The following LIN54 variants were observed in gnomAD, a reference collection of about 807,000 sequenced individuals.
LIN54 encodes the protein protein lin-54 homolog.
LIN54 carries 9 observed loss-of-function variants against 78.7 expected under a neutral mutation model. The observed-to-expected ratio is 0.11, with a 90% confidence interval of 0.07 to 0.20. LIN54 has a LOEUF of 0.20. LIN54 is among the 10% of genes least tolerant of loss of function. The probability of loss-of-function intolerance (pLI) is 1.00; values close to 1 mark genes in which losing one functional copy is unlikely to be tolerated. For missense variants in LIN54, 573 were observed against 889.9 expected (o/e 0.64, Z 4.53); for synonymous variants, 269 against 318.4 (o/e 0.84, Z 1.65).
chr4:83,006,116 A>AACTGGGGACTACTGGGGACT lies in LIN54; in HGVS notation c.-33+4367_-33+4368insAGTCCCCAGTAGTCCCCAGT, dbSNP rs138387938. ...TGAACATAAAGATGGCAACAATGGA[A>AACTGGGGACTACTGGGGACT]ACTGGGGACTACTGGGGACGTAGGG... On this transcript the variant is annotated intron_variant, in intron 1 of 12. Coordinates refer to ENST00000340417, the MANE Select transcript of LIN54 (RefSeq NM_194282.4). Among the ~76,000 whole-genome samples, 12 of 151,370 alleles carry AACTGGGGACTACTGGGGACT rather than the reference A, an allele frequency of 7.9e-5. No homozygotes were observed. The Admixed American group carries it at 7.9e-4, about 10-fold the overall frequency.
intron 1 of LIN54, among the ~76,000 whole-genome samples, chr4:83,006,316 G>A (rs1179241157): frequency 6.6e-6 from 1 of 152,042 alleles, no homozygotes; most frequent in African/African-American, 2.4e-5. Flanking sequence ...AGACATGCTG[G>A]CATGCGCCTG....
chr4:82,945,963 AATGT>A (rs1723320184), intron 5 of LIN54, among the ~76,000 whole-genome samples: 1 of 152,214 alleles, frequency 6.6e-6, no homozygotes, highest in South Asian at 2.1e-4. Context: ...GTTCCATCTA[AATGT>A]ATCCCACTGG....
intron 1 of LIN54, among the ~76,000 whole-genome samples, chr4:83,004,398 CAAAAA>C (rs34722830): frequency 5.9e-5 from 6 of 100,946 alleles, no homozygotes; most frequent in Non-Finnish European, 7.7e-5. Context: ...GACTCCGTTG[CAAAAA>C]AAAAAAAAAA....
chr4:82,966,438 A>G (rs1725206286), intron 4 of LIN54, among the ~76,000 whole-genome samples: 1 of 151,480 alleles, frequency 6.6e-6, no homozygotes, highest in Non-Finnish European at 1.5e-5. Context: ...TGGTATCCCT[A>G]TCATCTACCT....
chr4:82,943,861 A>ATTTTT (rs35020887), intron 5 of LIN54, among the ~76,000 whole-genome samples: 19 of 128,386 alleles, frequency 1.5e-4, no homozygotes, highest in African/African-American at 4.3e-4. Context: ...GTCAATACTG[A>ATTTTT]TTTTTTTTTT....
At chr4:83,004,294 G>C (rs1417654155) in intron 1 of LIN54, among the ~76,000 whole-genome samples, 1 of 151,166 alleles carries the variant, frequency 6.6e-6, no homozygotes, top group East Asian at 2.0e-4. Context: ...AGCTACCTGG[G>C]AGGCTGAGGC....
At chr4:82,962,313 T>TAAA (rs1724865014) in intron 4 of LIN54, among the ~76,000 whole-genome samples, 1 of 152,228 alleles carries the variant, frequency 6.6e-6, no homozygotes, top group African/African-American at 2.4e-5. Context: ...CAACTTTTTC[T>TAAA]AATCAGTTTT....
chr4:83,005,051 T>G, intron 1 of LIN54, among the ~76,000 whole-genome samples: 2 of 152,112 alleles, frequency 1.3e-5, no homozygotes, highest in South Asian at 4.2e-4. Context: ...CCCACCACCA[T>G]GCCCGGTTCA....
At position 82,940,088 on chromosome 4, in the gene LIN54, A is replaced by G. The variant is rs535617641; in HGVS notation, c.1169-126T>C. ...GCTTAAAGAATTCCATTTGATTCCT[A>G]ATTTGAGCAATCTTTAATCAGGATA... is the stretch of plus-strand genomic sequence containing the variant. On this transcript the variant is annotated intron_variant, in intron 5 of 12. Coordinates refer to ENST00000340417, the MANE Select transcript of LIN54 (RefSeq NM_194282.4). The G allele has an allele frequency of 1.2e-5, 8 of 688,632 alleles. No homozygotes were observed. The African/African-American group carries it at 1.3e-4, about 11-fold the overall frequency. 42.7% of individuals were successfully genotyped at this position (688,632 alleles called of 1,614,324 possible).
intron 1 of LIN54, among the ~76,000 whole-genome samples, chr4:82,994,625 C>T (rs1728038468): frequency 6.6e-6 from 1 of 152,022 alleles, no homozygotes; most frequent in South Asian, 2.1e-4. Flanking sequence ...GTCTCGAACT[C>T]CTGACCTTAG....
chr4:82,943,920 G>A (rs1467096644), intron 5 of LIN54, among the ~76,000 whole-genome samples: 1 of 148,402 alleles, frequency 6.7e-6, no homozygotes, highest in Non-Finnish European at 1.5e-5. Context: ...CCAGGCTGGA[G>A]TGCAGTGGTG....
At position 82,966,054 on chromosome 4, in the gene LIN54, C is replaced by T. The variant is rs981091453; in HGVS notation, c.951+4273G>A. On this transcript the variant is annotated intron_variant, in intron 4 of 12. Coordinates refer to ENST00000340417, the MANE Select transcript of LIN54 (RefSeq NM_194282.4). ...TAATAACCCCCTTATCATTTACTCTCTCCCACTGGCTCCTTTTCTTCTACT... is the reference window on the plus strand; with the variant it reads ...TAATAACCCCCTTATCATTTACTCTTTCCCACTGGCTCCTTTTCTTCTACT... 2.0e-5 allele frequency among the ~76,000 whole-genome samples: 3 copies of T among 152,176 alleles called. No individual in the cohort carries two copies. The East Asian group carries it at 5.8e-4, about 29-fold the overall frequency.
intron 5 of LIN54, among the ~76,000 whole-genome samples, chr4:82,941,054 AG>A (rs1290870896): frequency 6.6e-6 from 1 of 151,886 alleles, no homozygotes; most frequent in African/African-American, 2.4e-5. Context: ...CTCTGCTGTC[AG>A]GGAGATTATA....
chr4:82,987,473 C>T (rs1056397047), intron 1 of LIN54, among the ~76,000 whole-genome samples: 8 of 152,134 alleles, frequency 5.3e-5, no homozygotes, highest in East Asian at 1.9e-4. Flanking sequence ...CACAGGTATA[C>T]GTGTGCCATG....
intron 1 of LIN54, among the ~76,000 whole-genome samples, chr4:82,986,834 A>G (rs560787616): frequency 2.0e-5 from 3 of 152,174 alleles, no homozygotes; most frequent in Admixed American, 2.0e-4. Flanking sequence ...TGCTTACAAC[A>G]CTGATGACGT....
chr4:82,964,071 GA>G (rs1725016296), intron 4 of LIN54, among the ~76,000 whole-genome samples: 2 of 144,442 alleles, frequency 1.4e-5, no homozygotes, highest in East Asian at 4.0e-4. Flanking sequence ...TTTTTTTTGA[GA>G]CGGAGTCTCA....
chr4:82,941,214 G>A (rs938129487), intron 5 of LIN54, among the ~76,000 whole-genome samples: 4 of 147,708 alleles, frequency 2.7e-5, no homozygotes, highest in South Asian at 4.3e-4. Flanking sequence ...AGCACACGGA[G>A]GACACAGTAT....
Position 82,927,511 on chromosome 4 carries a change from T to C in LIN54, c.*591A>G, listed in dbSNP as rs889881780. 1 of 152,250 alleles carries C rather than the reference T, an allele frequency of 6.6e-6. No individual in the cohort carries two copies. The highest frequency in any genetic ancestry group is 1.5e-5 in the Non-Finnish European group (1 of 68,040). 9.4% of individuals were successfully genotyped at this position (152,250 alleles called of 1,614,324 possible). A position where few individuals can be genotyped will look rare whatever the true frequency, so the allele number is the denominator to read the frequency against. On this transcript the variant is annotated 3_prime_UTR_variant, in exon 13 of 13. Transcript: ENST00000340417. Reference sequence around the variant, plus strand: ...TTTTATATGTTTTTTTAAATAACTTTAAAAAATTTTTAGTGTGCCTGGGGA... The same window carrying C: ...TTTTATATGTTTTTTTAAATAACTTCAAAAAATTTTTAGTGTGCCTGGGGA...
chr4:82,957,322 A>T lies in LIN54; in HGVS notation c.952-10848T>A, dbSNP rs563959797. On this transcript the variant is annotated intron_variant, in intron 4 of 12. Coordinates refer to ENST00000340417, the MANE Select transcript of LIN54 (RefSeq NM_194282.4). ...GCCCACCACACAATTTCTGACAGAC[A>T]TTGATTCATAAAGCTTGAATCCACC... Among the ~76,000 whole-genome samples, 5 of 152,230 alleles carry T rather than the reference A, an allele frequency of 3.3e-5. No individual in the cohort carries two copies. In the South Asian group the frequency reaches 1.0e-3, roughly 32 times the overall value.
Sources: gnomAD v4.1 joint callset for allele counts (sites outside exome capture counted in the v4.1 genomes callset) on GRCh38, gnomAD v4.1.1 for gene constraint, MANE v1.5 for transcripts, NCBI Gene and HGNC (gene_info 2026-07-23, HGNC 2026-07-21) for gene names.